The following CORO1B variants were observed in gnomAD, a reference collection of about 807,000 sequenced individuals.
The protein encoded by CORO1B is coronin-1B.
Under a neutral mutation model 51.1 loss-of-function variants are expected in CORO1B, and 30 were observed. That is an observed-to-expected ratio of 0.59 (90% CI 0.44 to 0.80). The LOEUF is 0.80. Ranked by LOEUF, CORO1B falls within the 30% of genes least tolerant of loss-of-function variation. CORO1B has a pLI of 0.00. For synonymous variants in CORO1B, 310 were observed against 289.7 expected, an observed-to-expected ratio of 1.07 and a Z score of -0.71; for missense variants, 648 against 700.4, an observed-to-expected ratio of 0.93 and a Z score of 0.84.
Position 67,438,739 on chromosome 11 carries a change from G to GT in CORO1B, c.1275_1276insA (p.Leu426ThrfsTer12). On this transcript the variant is annotated frameshift_variant, in exon 10 of 11. Coordinates refer to ENST00000341356, the MANE Select transcript of CORO1B (RefSeq NM_020441.3). LOFTEE classifies it high-confidence loss of function. Reference sequence around the variant, plus strand: ...GTGGTGGTGGAGGCGGGGGCCCCTAGGTGGGAGGAGCCCGGGGCCATGGCG... The same window carrying GT: ...GTGGTGGTGGAGGCGGGGGCCCCTAGTGTGGGAGGAGCCCGGGGCCATGGCG... 1 of 1,550,960 alleles carries GT rather than the reference G, an allele frequency of 6.4e-7. No individual in the cohort carries two copies. Among genetic ancestry groups the GT allele is most frequent in the Non-Finnish European group, 8.7e-7 (1 of 1,152,024 alleles).
chr11:67,435,584 G>C lies in CORO1B; in HGVS notation c.*2792C>G, dbSNP rs976555295. ...GGGGGGGGCCGTTCCCGTGGTGAGC[G>C]GGGTACACATGGACTTGGGAACTGG... On this transcript the variant is annotated 3_prime_UTR_variant, in exon 11 of 11. Transcript: ENST00000341356. The C allele has an allele frequency of 4.9e-6, 6 of 1,218,376 alleles. No homozygotes were observed. The highest frequency in any genetic ancestry group is 6.7e-6 in the Non-Finnish European group (6 of 897,776). The allele number at this position is 1,218,376 out of a possible 1,614,324, so 75.5% of individuals were successfully genotyped here. A position where few individuals can be genotyped will look rare whatever the true frequency, so the allele number is the denominator to read the frequency against.
chr11:67,439,036 CTG>C (rs1248131952), intron 9 of CORO1B, 87 bp from the exon 10 acceptor site: 3 of 1,405,522 alleles, frequency 2.1e-6, no homozygotes, highest in Non-Finnish European at 2.8e-6. Flanking sequence ...GGCTTGCACT[CTG>C]TTAACCCATT....
rs1864371209 is a variant in CORO1B at position 67,440,361 on chromosome 11, TGTCGGG to T, written c.829_834del (p.Pro277_Asp278del). The T allele has an allele frequency of 1.2e-6, 2 of 1,613,794 alleles. No homozygotes were observed. Among genetic ancestry groups the T allele is most frequent in the Non-Finnish European group, 1.7e-6 (2 of 1,179,980 alleles). On this transcript the variant is annotated inframe_deletion, in exon 7 of 11. Transcript: ENST00000341356. ...TTGCCGCAGACGTAGACCACACTGG[TGTCGGG>T]GTCGTAGAAGGGCAGCAGGGCCCCG...
At chr11:67,442,692 C>T in intron 1 of CORO1B, 62 bp from the exon 2 acceptor site, 1 of 1,553,512 alleles carries the variant, frequency 6.4e-7, no homozygotes, top group Non-Finnish European at 8.8e-7. Flanking sequence ...CCTCCCCAGG[C>T]TGCTGAAGGT....
Position 67,436,337 on chromosome 11 carries a change from G to C in CORO1B, c.*2039C>G. 2 of 1,485,632 alleles carry C rather than the reference G, an allele frequency of 1.3e-6. No individual in the cohort carries two copies. The highest frequency in any genetic ancestry group is 4.5e-5 in the Admixed American group (2 of 43,972). The allele number at this position is 1,485,632 out of a possible 1,614,324, so 92.0% of individuals were successfully genotyped here. On this transcript the variant is annotated 3_prime_UTR_variant, in exon 11 of 11. Coordinates refer to ENST00000341356, the MANE Select transcript of CORO1B (RefSeq NM_020441.3). ...GGCCAGCAGCATCCCGAGCCCTAAG[G>C]TGCAGGGCAGAGCCTGTGGGAGACA...
chr11:67,440,447 A>G lies in CORO1B; in HGVS notation c.757-8T>C. On this transcript the variant is annotated splice_polypyrimidine_tract_variant and splice_region_variant and intron_variant, in intron 6 of 10. Coordinates refer to ENST00000341356, the MANE Select transcript of CORO1B (RefSeq NM_020441.3). ...GGGTTCCTCGAGGTTTTCCTGGCAC[A>G]TTGCAGGCAGTCAGGCCAAGCAGAA... is the stretch of plus-strand genomic sequence containing the variant. The G allele has an allele frequency of 6.2e-7, 1 of 1,613,276 alleles. No homozygotes were observed. Among genetic ancestry groups the G allele is most frequent in the Non-Finnish European group, 8.5e-7 (1 of 1,179,662 alleles).
Position 67,440,420 on chromosome 11 carries a change from A to G in CORO1B, c.776T>C (p.Met259Thr), listed in dbSNP as rs576893368. The G allele has an allele frequency of 7.4e-6, 12 of 1,613,836 alleles. 1 individual carries two copies. The South Asian group carries it at 1.2e-4, about 16-fold the overall frequency. ...GCTCGAGTCCAGTTCCTGCAGGGCC[A>G]TGGGTTCCTCGAGGTTTTCCTGGCA... ...LWDPENLEEPMALQELDSSNG... is the reference protein window; with the variant it reads ...LWDPENLEEPTALQELDSSNG... The change falls in exon 7 of 11, where the codon ATG (methionine) becomes ACG (threonine). Residue 259 changes from methionine to threonine, a missense_variant. Met to Thr is a moderately conservative substitution (Grantham distance 81). Coordinates refer to ENST00000341356, the MANE Select transcript of CORO1B (RefSeq NM_020441.3).
Position 67,438,716 on chromosome 11 carries a change from G to T in CORO1B, c.1299C>A (p.Thr433=). 1.9e-6 allele frequency: 3 copies of T among 1,558,144 alleles called. No individual in the cohort carries two copies. Among genetic ancestry groups the T allele is most frequent in the Admixed American group, 1.9e-5 (1 of 53,080 alleles). ...SSHLGAPAST[T]TAADATPSGS... ...CGCTGGGGGTGGCATCAGCAGCAGT[G>T]GTGGTGGAGGCGGGGGCCCCTAGGT... Residue 433 remains threonine (T), a synonymous_variant, in exon 10 of 11, where the codon ACC becomes ACA. Transcript: ENST00000341356.
In CORO1B at chr11:67,437,718, G is replaced by A. The variant is rs1309246690; in HGVS notation, c.*658C>T. 7.8e-7 allele frequency: 1 copy of A among 1,281,652 alleles called. No individual in the cohort carries two copies. Among genetic ancestry groups the A allele is most frequent in the Non-Finnish European group, 1.0e-6 (1 of 992,704 alleles). The allele number at this position is 1,281,652 out of a possible 1,614,324, so 79.4% of individuals were successfully genotyped here. A position where few individuals can be genotyped will look rare whatever the true frequency, so the allele number is the denominator to read the frequency against. On this transcript the variant is annotated 3_prime_UTR_variant, in exon 11 of 11. Coordinates refer to ENST00000341356, the MANE Select transcript of CORO1B (RefSeq NM_020441.3). ...CTCGTCTGCAGTGAAGGGTGGCCCA[G>A]GCTTCCGCTTCCTGCCCACATACCC...
intron 8 of CORO1B, 60 bp from the exon 9 acceptor site, chr11:67,439,903 G>A: frequency 7.4e-7 from 1 of 1,350,908 alleles, no homozygotes; most frequent in South Asian, 1.3e-5. Context: ...CCCACCGCCA[G>A]CTCTCCTGGC....
In CORO1B at chr11:67,438,489, G is replaced by C; in HGVS notation, c.1357C>G (p.Leu453Val). 1 of 1,608,764 alleles carries C rather than the reference G, an allele frequency of 6.2e-7. No homozygotes were observed. Among genetic ancestry groups the C allele is most frequent in the Non-Finnish European group, 8.5e-7 (1 of 1,177,054 alleles). ...SLARAGEAGK[L>V]EEVMQELRAL... Reference sequence around the variant, plus strand: ...CGCAGCTCCTGCATCACCTCCTCCAGCTTCCCAGCCTCCTGTGGGGACATG... The same window carrying C: ...CGCAGCTCCTGCATCACCTCCTCCACCTTCCCAGCCTCCTGTGGGGACATG... Residue 453 changes from leucine (L) to valine (V), a missense_variant, in exon 11 of 11, where the codon CTG (leucine) becomes GTG (valine). Leu to Val is a conservative substitution (Grantham distance 32). Transcript: ENST00000341356.
intron 4 of CORO1B, 21 bp from the exon 5 acceptor site, chr11:67,441,535 G>C (rs908916140): frequency 3.1e-6 from 5 of 1,605,350 alleles, no homozygotes; most frequent in Admixed American, 1.7e-5. Flanking sequence ...AGGGTTGTCA[G>C]CTCGGGCCGG....
Position 67,436,222 on chromosome 11 carries a change from T to TAGGAGC in CORO1B, c.*2148_*2153dup, listed in dbSNP as rs1864270962. 6.5e-7 allele frequency: 1 copy of TAGGAGC among 1,548,798 alleles called. No homozygotes were observed. Among genetic ancestry groups the TAGGAGC allele is most frequent in the Non-Finnish European group, 8.7e-7 (1 of 1,149,784 alleles). On this transcript the variant is annotated 3_prime_UTR_variant, in exon 11 of 11. Coordinates refer to ENST00000341356, the MANE Select transcript of CORO1B (RefSeq NM_020441.3). The stretch of plus-strand genomic sequence containing the variant: ...CCAGTGCTAGGCCAGTGGCCAGCAG[T>TAGGAGC]AGGAGCAGCAGCAGCAGCAGGACAA...
intron 4 of CORO1B, 74 bp downstream of exon 4, chr11:67,441,659 G>A: frequency 7.2e-7 from 1 of 1,396,946 alleles, no homozygotes; most frequent in Non-Finnish European, 9.6e-7. Flanking sequence ...TGTCATGTGG[G>A]CCCTGGAGGG....
chr11:67,438,772 T>C lies in CORO1B; in HGVS notation c.1243A>G (p.Ser415Gly). 6.3e-7 allele frequency: 1 copy of C among 1,583,270 alleles called. No homozygotes were observed. The highest frequency in any genetic ancestry group is 8.6e-7 in the Non-Finnish European group (1 of 1,168,122). ...GAGCCCGGGGCCATGGCGGGCCGGC[T>C]GTCAGACAACACGTTGCGCCGGCTG... ...KISRRNVLSD[S>G]RPAMAPGSSH... Residue 415 changes from serine (S) to glycine (G), a missense_variant, in exon 10 of 11, where the codon AGC becomes GGC. Transcript: ENST00000341356.
rs1310207520 is a variant in CORO1B, at chr11:67,435,989, C to T, written c.*2387G>A. ...GCCTTCCCCAGGGTCAGCCTGCAGG[C>T]CACCATCCGCGACGTGGTCATAGTC... is the stretch of plus-strand genomic sequence containing the variant. On this transcript the variant is annotated 3_prime_UTR_variant, in exon 11 of 11. Transcript: ENST00000341356. 1.2e-6 allele frequency: 2 copies of T among 1,613,650 alleles called. No individual in the cohort carries two copies. The highest frequency in any genetic ancestry group is 1.7e-6 in the Non-Finnish European group (2 of 1,179,940).
chr11:67,440,278 G>A lies in CORO1B; in HGVS notation c.862-15C>T, dbSNP rs1314886328. 1 of 1,612,706 alleles carries A rather than the reference G, an allele frequency of 6.2e-7. No individual in the cohort carries two copies. The highest frequency in any genetic ancestry group is 1.3e-5 in the African/African-American group (1 of 74,906). On this transcript the variant is annotated splice_polypyrimidine_tract_variant and intron_variant, in intron 7 of 10. Transcript: ENST00000341356. ...CTGGAGTCACCCTGTGTGGGGAGGG[G>A]GCTCAGCACCTGGGCACGCCTCTTC...
In CORO1B at chr11:67,441,984, C is replaced by T. The variant is rs752039855; in HGVS notation, c.306G>A (p.Ser102=). The T allele has an allele frequency of 2.9e-5, 47 of 1,612,884 alleles. No homozygotes were observed. In the African/African-American group the frequency reaches 3.1e-4, roughly 11 times the overall value. ...GCCTCACCATGACCGTGCAGTCCTCCGAGCCGCTGGCTATGACTTCGTCGT... is the reference window on the plus strand; with the variant it reads ...GCCTCACCATGACCGTGCAGTCCTCTGAGCCGCTGGCTATGACTTCGTCGT... ...PHNDEVIASG[S]EDCTVMVWQI... is the part of the protein sequence containing the mutation. The change falls in exon 3 of 11, where the codon TCG becomes TCA. Residue 102 remains serine (S), a synonymous_variant. Coordinates refer to ENST00000341356, the MANE Select transcript of CORO1B (RefSeq NM_020441.3).
At chr11:67,440,934 A>ATGGGGGAGTGG (rs1864380833) in intron 6 of CORO1B, 191 bp downstream of exon 6, 1 of 744,106 alleles carries the variant, frequency 1.3e-6, no homozygotes, top group African/African-American at 1.7e-5. Flanking sequence ...GTGGGAGGCC[A>ATGGGGGAGTGG]TGGGGGAGTG....
Sources: gnomAD v4.1 joint callset for allele counts on GRCh38, gnomAD v4.1.1 for gene constraint, MANE v1.5 for transcripts, NCBI Gene and HGNC (gene_info 2026-07-23, HGNC 2026-07-21) for gene names.